CTBP2: variants seen among roughly 807,000 people sequenced by gnomAD.
CTBP2 encodes the protein C-terminal-binding protein 2.
A neutral mutation model predicts 80.3 loss-of-function variants in CTBP2; 30 were observed. That is an observed-to-expected ratio of 0.37 (90% CI 0.28 to 0.51). The LOEUF is 0.51. Among genes scored for constraint, CTBP2 ranks in the 20% least tolerant of loss-of-function variants. The pLI, the probability that CTBP2 is intolerant of heterozygous loss-of-function variation, is 0.93. For synonymous variants in CTBP2, 594 were observed against 587.4 expected, an observed-to-expected ratio of 1.01 and a Z score of -0.16; for missense variants, 1,212 against 1,375.3, an observed-to-expected ratio of 0.88 and a Z score of 1.88.
At chr10:125,003,658 C>T (rs2134282558) in intron 1 of CTBP2, among the ~76,000 whole-genome samples, 166 bp from the exon 4 acceptor site, 1 of 152,312 alleles carries the variant, frequency 6.6e-6, no homozygotes, top group East Asian at 1.9e-4. Flanking sequence ...GAGCCACTGA[C>T]ACGAAGAGGA....
Position 124,997,902 on chromosome 10 carries a change from T to C in CTBP2, c.2185+62A>G. 2.6e-6 allele frequency: 4 copies of C among 1,539,176 alleles called. No homozygotes were observed. In the South Asian group the frequency reaches 3.6e-5, roughly 14 times the overall value. ...GGCTGGGGTTGCCTTTCCCGAGGGG[T>C]CCCCACTACACCAGCCCCAGTGTCG... On this transcript the variant is annotated intron_variant, in intron 4 of 8. Coordinates refer to ENST00000309035, the MANE Select transcript of CTBP2 (RefSeq NM_022802.3).
intron 1 of CTBP2, chr10:125,158,669 T>C (rs1306338933): frequency 6.6e-6 from 1 of 152,252 alleles, no homozygotes; most frequent in Non-Finnish European, 1.5e-5. Flanking sequence ...TATGACGACG[T>C]AGGCCATTGC....
At chr10:125,077,102 A>G (rs1247393892) in intron 2 of CTBP2, among the ~76,000 whole-genome samples, 1 of 151,446 alleles carries the variant, frequency 6.6e-6, no homozygotes, top group Admixed American at 6.5e-5. Flanking sequence ...GCACTCCATG[A>G]AAGCTTTTGT....
rs372732727 is a variant in CTBP2 at position 125,073,338 on chromosome 10, G to A, written c.-101-34183C>T. Reference sequence around the variant, plus strand: ...GCAGCCTCCCGAGTTCAATTGACCAGGTTCAAGCGATTCTCCTGCCTCAGG... The same window carrying A: ...GCAGCCTCCCGAGTTCAATTGACCAAGTTCAAGCGATTCTCCTGCCTCAGG... On this transcript the variant is annotated intron_variant, in intron 2 of 10. Coordinates refer to the CTBP2 transcript ENST00000337195. Among the ~76,000 whole-genome samples the A allele has an allele frequency of 4.6e-5, 7 of 152,304 alleles. No individual in the cohort carries two copies. The East Asian group carries it at 7.7e-4, about 17-fold the overall frequency.
At chr10:125,047,177 G>A (rs575403825) in intron 2 of CTBP2, among the ~76,000 whole-genome samples, 3 of 152,268 alleles carry the variant, frequency 2.0e-5, no homozygotes, top group African/African-American at 7.2e-5. Flanking sequence ...AAAAAAAAGG[G>A]ATAAAAGCAA....
intron 2 of CTBP2, among the ~76,000 whole-genome samples, chr10:125,092,992 T>G (rs1849016255): frequency 6.6e-6 from 1 of 152,100 alleles, no homozygotes; most frequent in Admixed American, 6.5e-5. Flanking sequence ...GCCCCAACCG[T>G]TACGTGGTGC....
At chr10:125,157,114 G>C (rs1861057429) in intron 1 of CTBP2, among the ~76,000 whole-genome samples, 1 of 152,216 alleles carries the variant, frequency 6.6e-6, no homozygotes, top group Non-Finnish European at 1.5e-5. Flanking sequence ...TAACTTTAGA[G>C]AGATGTACTT....
At chr10:125,033,662 C>A (rs907491859) in intron 3 of CTBP2, among the ~76,000 whole-genome samples, 2 of 152,136 alleles carry the variant, frequency 1.3e-5, no homozygotes, top group African/African-American at 4.8e-5. Flanking sequence ...ACGGAGACTA[C>A]GGATGCACTG....
intron 2 of CTBP2, among the ~76,000 whole-genome samples, chr10:125,042,166 G>A (rs1371148036): frequency 1.3e-5 from 2 of 152,208 alleles, no homozygotes; most frequent in South Asian, 2.1e-4. Context: ...TATCTCTTGT[G>A]CAAAAAGAAT....
chr10:125,105,878 C>T (rs1402693032), intron 2 of CTBP2, among the ~76,000 whole-genome samples: 3 of 152,234 alleles, frequency 2.0e-5, no homozygotes, highest in Admixed American at 2.0e-4. Context: ...CTCATTTGCA[C>T]ATCGGCATCT....
intron 1 of CTBP2, among the ~76,000 whole-genome samples, chr10:125,017,044 AAATCCCTTAATGC>A (rs1302531190): frequency 1.3e-5 from 2 of 152,190 alleles, no homozygotes; most frequent in Non-Finnish European, 2.9e-5. Flanking sequence ...CCACCACGAA[AAATCCCTTAATGC>A]AATCCCTTAA....
At chr10:125,115,411 G>A (rs1247328791) in intron 1 of CTBP2, among the ~76,000 whole-genome samples, 1 of 152,180 alleles carries the variant, frequency 6.6e-6, no homozygotes, top group Admixed American at 6.5e-5. Context: ...CTCTGGGAAG[G>A]GACAAGGGAA....
intron 2 of CTBP2, among the ~76,000 whole-genome samples, chr10:125,081,514 T>A (rs1847166605): frequency 6.6e-6 from 1 of 152,222 alleles, no homozygotes; most frequent in Admixed American, 6.5e-5. Context: ...CTGAAGATTA[T>A]ATACTCTGTG....
intron 2 of CTBP2, among the ~76,000 whole-genome samples, chr10:125,084,766 C>T (rs900094708): frequency 5.3e-5 from 8 of 151,712 alleles, no homozygotes; most frequent in Non-Finnish European, 1.0e-4. Flanking sequence ...CCAGCACCCC[C>T]GCCTTCCTGA....
At chr10:125,117,610 C>G (rs1853560805) in intron 1 of CTBP2, among the ~76,000 whole-genome samples, 1 of 152,188 alleles carries the variant, frequency 6.6e-6, no homozygotes, top group South Asian at 2.1e-4. Flanking sequence ...AATAAAATGA[C>G]AACGTCTACC....
chr10:125,140,938 G>C (rs1857701441), intron 1 of CTBP2, among the ~76,000 whole-genome samples: 2 of 152,102 alleles, frequency 1.3e-5, no homozygotes, highest in African/African-American at 2.4e-5. Context: ...TCAGGAGTTT[G>C]AGACCAGCCT....
chr10:125,142,228 G>C (rs1039956362), intron 1 of CTBP2, among the ~76,000 whole-genome samples: 1 of 152,178 alleles, frequency 6.6e-6, no homozygotes, highest in Non-Finnish European at 1.5e-5. Context: ...CTGTCCAGAC[G>C]AGCCAAGCTC....
chr10:125,135,410 C>A (rs998756688), intron 1 of CTBP2, among the ~76,000 whole-genome samples: 1 of 152,304 alleles, frequency 6.6e-6, no homozygotes, highest in South Asian at 2.1e-4. Flanking sequence ...TATAGAAATG[C>A]ATATATGACC....
intron 1 of CTBP2, chr10:125,159,958 C>CT (rs537040538): frequency 0.19 from 25,911 of 136,926 alleles, 2,695 homozygotes; most frequent in African/African-American, 0.27. Flanking sequence ...CTCGGGGTTT[C>CT]TTTTTTTTTT....
Sources: gnomAD v4.1 joint callset for allele counts (sites outside exome capture counted in the v4.1 genomes callset) on GRCh38, gnomAD v4.1.1 for gene constraint, MANE v1.5 for transcripts, NCBI Gene and HGNC (gene_info 2026-07-23, HGNC 2026-07-21) for gene names.